The following DYNC1LI2 variants were observed in gnomAD, a reference collection of about 807,000 sequenced individuals.
DYNC1LI2 encodes cytoplasmic dynein 1 light intermediate chain 2.
In DYNC1LI2, 19 loss-of-function variants were observed where a neutral mutation model predicts 57.8. That is an observed-to-expected ratio of 0.33 (90% CI 0.23 to 0.48). The LOEUF is 0.48. DYNC1LI2 is among the 20% of genes least tolerant of loss of function. DYNC1LI2 has a pLI of 0.99. For missense variants in DYNC1LI2, 470 were observed against 604.2 expected, an observed-to-expected ratio of 0.78 and a Z score of 2.33; for synonymous variants, 256 against 233.4, an observed-to-expected ratio of 1.10 and a Z score of -0.88.
chr16:66,740,212 A>C (rs1473096725), intron 4 of DYNC1LI2, among the ~76,000 whole-genome samples: 2 of 152,072 alleles, frequency 1.3e-5, no homozygotes, highest in Non-Finnish European at 2.9e-5. Flanking sequence ...ACACAAAACC[A>C]CTGGGAACCT....
Position 66,730,217 on chromosome 16 carries a change from T to C in DYNC1LI2, c.936A>G (p.Ala312=), listed in dbSNP as rs2017611383. The change falls in exon 8 of 13, where the codon GCA becomes GCG. Residue 312 remains alanine (A), a synonymous_variant. Coordinates refer to ENST00000258198, the MANE Select transcript of DYNC1LI2 (RefSeq NM_006141.3). Reference sequence around the variant, plus strand: ...CTATTTTCTTTTCATTGTCCCAGCCTGCAGGTCTAAAGGCAAAGAGAGAGG... The same window carrying C: ...CTATTTTCTTTTCATTGTCCCAGCCCGCAGGTCTAAAGGCAAAGAGAGAGG... ...VVEKDAVFIP[A]GWDNEKKIAI... The C allele has an allele frequency of 1.9e-6, 3 of 1,613,020 alleles. No individual in the cohort carries two copies. The highest frequency in any genetic ancestry group is 1.3e-5 in the African/African-American group (1 of 74,880).
At chr16:66,737,963 A>G (rs188869042) in intron 4 of DYNC1LI2, among the ~76,000 whole-genome samples, 84 of 152,284 alleles carry the variant, frequency 5.5e-4, no homozygotes, top group African/African-American at 1.8e-3. Flanking sequence ...GTAAGACTGA[A>G]GGATCAAAGG....
Position 66,722,711 on chromosome 16 carries a change from C to G in DYNC1LI2, c.*1011G>C, listed in dbSNP as rs929629123. ...ACAAGTCATAAGGCAGGGCTTGGTA[C>G]GAGCCAATTAACCAGAGTGCAATTA... On this transcript the variant is annotated 3_prime_UTR_variant, in exon 13 of 13. Transcript: ENST00000258198. 6.5e-6 allele frequency: 1 copy of G among 153,100 alleles called. No individual in the cohort carries two copies. The highest frequency in any genetic ancestry group is 1.5e-5 in the Non-Finnish European group (1 of 68,366). The allele number at this position is 153,100 out of a possible 1,614,324, so 9.5% of individuals were successfully genotyped here.
At chr16:66,738,838 G>A in intron 4 of DYNC1LI2, 1 of 150,844 alleles carries the variant, frequency 6.6e-6, no homozygotes, top group South Asian at 2.1e-4. Flanking sequence ...TCGTGCCATT[G>A]CACTCTAGGC....
intron 6 of DYNC1LI2, among the ~76,000 whole-genome samples, chr16:66,733,728 G>A (rs1375357344): frequency 6.6e-6 from 1 of 151,940 alleles, no homozygotes. Flanking sequence ...CAAAAATCTG[G>A]AAGTGGTGGC....
chr16:66,729,908 A>G (rs573509717), intron 8 of DYNC1LI2, among the ~76,000 whole-genome samples: 1 of 152,126 alleles, frequency 6.6e-6, no homozygotes, highest in East Asian at 1.9e-4. Flanking sequence ...CAGCCTCCCA[A>G]GTAGCTGGGA....
intron 3 of DYNC1LI2, among the ~76,000 whole-genome samples, chr16:66,747,534 T>C (rs1352195965): frequency 1.3e-5 from 2 of 152,152 alleles, no homozygotes; most frequent in Non-Finnish European, 2.9e-5. Flanking sequence ...TAATCTTTAC[T>C]GTTTAAATGA....
intron 8 of DYNC1LI2, among the ~76,000 whole-genome samples, chr16:66,729,571 G>GTTTTT (rs11310483): frequency 5.3e-5 from 5 of 93,702 alleles, no homozygotes; most frequent in Non-Finnish European, 7.8e-5. Flanking sequence ...TTTCTTTATA[G>GTTTTT]TTTTTTTTTT....
At chr16:66,746,764 C>G (rs1463454922) in intron 3 of DYNC1LI2, among the ~76,000 whole-genome samples, 1 of 152,146 alleles carries the variant, frequency 6.6e-6, no homozygotes, top group Non-Finnish European at 1.5e-5. Flanking sequence ...CTGATACACC[C>G]TGTATCATTT....
chr16:66,728,194 T>C lies in DYNC1LI2; in HGVS notation c.1143+7A>G. The C allele has an allele frequency of 6.2e-7, 1 of 1,614,090 alleles. No individual in the cohort carries two copies. The highest frequency in any genetic ancestry group is 1.1e-5 in the South Asian group (1 of 91,076). On this transcript the variant is annotated splice_region_variant and intron_variant, in intron 10 of 12. Coordinates refer to ENST00000258198, the MANE Select transcript of DYNC1LI2 (RefSeq NM_006141.3). Reference sequence around the variant, plus strand: ...CCTTGACCCTCTGTTTAGTGTAAGGTACTCACAGAAGCTCTCGTGGGAGTG... The same window carrying C: ...CCTTGACCCTCTGTTTAGTGTAAGGCACTCACAGAAGCTCTCGTGGGAGTG...
Position 66,732,421 on chromosome 16 carries a change from A to G in DYNC1LI2, c.847T>C (p.Leu283=), listed in dbSNP as rs776367200. The change falls in exon 7 of 13, where the codon TTG becomes CTG. Residue 283 remains leucine, a synonymous_variant. Transcript: ENST00000258198. ...GTTTTATGAACAATATACTTATACAACAAGTCGAGGTTTTTCTCTTCTTTC... is the reference window on the plus strand; with the variant it reads ...GTTTTATGAACAATATACTTATACAGCAAGTCGAGGTTTTTCTCTTCTTTC... The part of the protein sequence containing the change: ...SVKEEKNLDL[L]YKYIVHKTYG... 1.2e-6 allele frequency: 2 copies of G among 1,613,956 alleles called. No individual in the cohort carries two copies. Among genetic ancestry groups the G allele is most frequent in the Non-Finnish European group, 1.7e-6 (2 of 1,179,996 alleles).
chr16:66,746,611 G>A (rs1357681926), intron 3 of DYNC1LI2, among the ~76,000 whole-genome samples: 1 of 152,188 alleles, frequency 6.6e-6, no homozygotes, highest in Non-Finnish European at 1.5e-5. Context: ...TGGTCAACAC[G>A]ATGCTCTGGC....
intron 11 of DYNC1LI2, among the ~76,000 whole-genome samples, chr16:66,726,729 C>T (rs914665671): frequency 3.3e-5 from 5 of 152,140 alleles, no homozygotes; most frequent in Non-Finnish European, 7.3e-5. Context: ...GCAACCTCCA[C>T]CTCCCAGGAT....
rs1182751755 is a variant in DYNC1LI2, at chr16:66,722,914, T to C, written c.*808A>G. 3 of 154,512 alleles carry C rather than the reference T, an allele frequency of 1.9e-5. No homozygotes were observed. Among genetic ancestry groups the C allele is most frequent in the African/African-American group, 2.4e-5 (1 of 41,488 alleles). The allele number at this position is 154,512 out of a possible 1,614,324, so 9.6% of individuals were successfully genotyped here. On this transcript the variant is annotated 3_prime_UTR_variant, in exon 13 of 13. Transcript: ENST00000258198. Reference sequence around the variant, plus strand: ...ATTCAAAGTAAACTAATTCTGTAACTGCTGACTTTGAAGACATCCCACAGT... The same window carrying C: ...ATTCAAAGTAAACTAATTCTGTAACCGCTGACTTTGAAGACATCCCACAGT...
chr16:66,733,168 C>A (rs2017669773), intron 6 of DYNC1LI2: 1 of 152,136 alleles, frequency 6.6e-6, no homozygotes, highest in Non-Finnish European at 1.5e-5. Flanking sequence ...TACATAAAAG[C>A]AAAGTTTAAA....
Position 66,732,425 on chromosome 16 carries a change from G to C in DYNC1LI2, c.843C>G (p.Asp281Glu). The change falls in exon 7 of 13, where the codon GAC becomes GAG. Residue 281 changes from aspartate (D) to glutamate (E), a missense_variant. Transcript: ENST00000258198. Reference protein sequence around the residue: ...YTSVKEEKNLDLLYKYIVHKT... With the variant: ...YTSVKEEKNLELLYKYIVHKT... ...TATGAACAATATACTTATACAACAA[G>C]TCGAGGTTTTTCTCTTCTTTCACTG... The C allele has an allele frequency of 6.2e-7, 1 of 1,613,742 alleles. No individual in the cohort carries two copies. The highest frequency in any genetic ancestry group is 1.6e-4 in the Middle Eastern group (1 of 6,062).
rs2017450382 is a variant in DYNC1LI2, at chr16:66,721,457, A to C, written c.*2265T>G. 1 of 152,664 alleles carries C rather than the reference A, an allele frequency of 6.6e-6. No homozygotes were observed. The highest frequency in any genetic ancestry group is 1.9e-4 in the East Asian group (1 of 5,196). 9.5% of individuals were successfully genotyped at this position (152,664 alleles called of 1,614,324 possible). ...CTGCAAATAAAATGAATTTTACTTT[A>C]AAAACTAAAGGCTGTTTATTATTTG... On this transcript the variant is annotated 3_prime_UTR_variant, in exon 13 of 13. Coordinates refer to ENST00000258198, the MANE Select transcript of DYNC1LI2 (RefSeq NM_006141.3).
At chr16:66,745,345 C>T (rs1406808809) in intron 3 of DYNC1LI2, among the ~76,000 whole-genome samples, 1 of 152,070 alleles carries the variant, frequency 6.6e-6, no homozygotes, top group African/African-American at 2.4e-5. Context: ...CCTAGACTGG[C>T]GTAGCTCACT....
chr16:66,729,910 T>G (rs2017605408), intron 8 of DYNC1LI2, among the ~76,000 whole-genome samples: 1 of 152,120 alleles, frequency 6.6e-6, no homozygotes, highest in South Asian at 2.1e-4. Flanking sequence ...GCCTCCCAAG[T>G]AGCTGGGATT....
Sources: gnomAD v4.1 joint callset for allele counts (sites outside exome capture counted in the v4.1 genomes callset) on GRCh38, gnomAD v4.1.1 for gene constraint, MANE v1.5 for transcripts, NCBI Gene and HGNC (gene_info 2026-07-23, HGNC 2026-07-21) for gene names.